The following ANGPT2 variants were observed in gnomAD, a reference collection of about 807,000 sequenced individuals.
ANGPT2 encodes angiopoietin 2.
Under a neutral mutation model 62.9 loss-of-function variants are expected in ANGPT2, and 28 were observed. The observed-to-expected ratio is 0.44, with a 90% CI of 0.33 to 0.61. The LOEUF (loss-of-function observed/expected upper bound fraction) is 0.61, where lower values mean the gene tolerates loss of function less well. Among genes scored for constraint, ANGPT2 ranks in the 20% least tolerant of loss-of-function variants. ANGPT2 has a pLI of 0.03. For synonymous variants in ANGPT2, 284 were observed against 207.8 expected (o/e 1.37, Z -3.15); for missense variants, 727 against 594.9 (o/e 1.22, Z -2.31).
At chr8:6,537,507 C>G (rs190981919) in intron 1 of ANGPT2, among the ~76,000 whole-genome samples, 1 of 150,916 alleles carries the variant, frequency 6.6e-6, no homozygotes, top group Non-Finnish European at 1.5e-5. Flanking sequence ...GGCAGCGCAT[C>G]GAAACTCAAG....
intron 1 of ANGPT2, among the ~76,000 whole-genome samples, chr8:6,541,632 T>G (rs778119187): frequency 2.6e-5 from 4 of 152,114 alleles, no homozygotes; most frequent in Non-Finnish European, 5.9e-5. Flanking sequence ...TTTGTTAAAT[T>G]CTCAGCTTAG....
At chr8:6,546,662 T>A (rs1822628538) in intron 1 of ANGPT2, among the ~76,000 whole-genome samples, 1 of 152,090 alleles carries the variant, frequency 6.6e-6, no homozygotes, top group Admixed American at 6.5e-5. Context: ...GGCCTAGAGA[T>A]AAATAGAGAA....
chr8:6,509,659 A>C (rs180896344), intron 7 of ANGPT2, among the ~76,000 whole-genome samples: 8 of 152,222 alleles, frequency 5.3e-5, no homozygotes, highest in Non-Finnish European at 1.0e-4. Flanking sequence ...ACTATTTACA[A>C]TACAGACGAT....
intron 1 of ANGPT2, among the ~76,000 whole-genome samples, chr8:6,551,018 C>T (rs964887165): frequency 3.9e-5 from 6 of 152,160 alleles, no homozygotes; most frequent in Admixed American, 1.3e-4. Context: ...CTTTTGAAAC[C>T]AACAAGTGAA....
chr8:6,521,382 C>T lies in ANGPT2; in HGVS notation c.595G>A (p.Glu199Lys). Residue 199 changes from glutamate to lysine, a missense_variant, in exon 4 of 9, where the codon GAA becomes AAA. By Grantham distance (56) the Glu-to-Lys change is moderately conservative. Coordinates refer to ENST00000629816, the MANE Select transcript of ANGPT2 (RefSeq NM_001118887.2). ...TGTAGTTGGATGATGTGCTTGTCTT[C>T]CATAGCTAGCACCTTCTTTTCTAGG... ...SFLEKKVLAM[E>K]DKHIIQLQSI... 3 of 1,612,848 alleles carry T rather than the reference C, an allele frequency of 1.9e-6. No individual in the cohort carries two copies. Among genetic ancestry groups the T allele is most frequent in the Non-Finnish European group, 2.5e-6 (3 of 1,179,686 alleles).
intron 3 of ANGPT2, among the ~76,000 whole-genome samples, chr8:6,523,523 T>C (rs2129569838): frequency 6.6e-6 from 1 of 152,330 alleles, no homozygotes; most frequent in Middle Eastern, 3.4e-3. Flanking sequence ...TATTTGAGAA[T>C]GTTAACTGTT....
At chr8:6,533,781 A>G (rs2959812) in intron 1 of ANGPT2, among the ~76,000 whole-genome samples, 105,325 of 151,822 alleles carry the variant, frequency 0.69, 36,705 homozygotes, top group Non-Finnish European at 0.72. Flanking sequence ...CTTTATAGAG[A>G]AACCATTCGT....
At chr8:6,524,519 A>C (rs778251285) in intron 3 of ANGPT2, among the ~76,000 whole-genome samples, 1 of 152,234 alleles carries the variant, frequency 6.6e-6, no homozygotes, top group African/African-American at 2.4e-5. Context: ...TGTGAAATTG[A>C]CATACACGTT....
rs1354081295 is a variant in ANGPT2, at chr8:6,501,617, C to G, written c.*1484G>C. 1 of 139,476 alleles carries G rather than the reference C, an allele frequency of 7.2e-6. No individual in the cohort carries two copies. The highest frequency in any genetic ancestry group is 2.1e-4 in the East Asian group (1 of 4,790). The allele number at this position is 139,476 out of a possible 1,614,324, so 8.6% of individuals were successfully genotyped here. A position where few individuals can be genotyped will look rare whatever the true frequency, so the allele number is the denominator to read the frequency against. ...TTGCCCCGGCTGGAGTGCAGTGGTG[C>G]GATCTTGGCTCACTGCAACCTCTAC... is the stretch of plus-strand genomic sequence containing the variant. On this transcript the variant is annotated 3_prime_UTR_variant, in exon 9 of 9. Transcript: ENST00000629816.
intron 1 of ANGPT2, among the ~76,000 whole-genome samples, chr8:6,533,352 G>C (rs1303354903): frequency 6.6e-6 from 1 of 152,204 alleles, no homozygotes; most frequent in Non-Finnish European, 1.5e-5. Context: ...CAAGACAACT[G>C]AGTACGTGGG....
intron 3 of ANGPT2, among the ~76,000 whole-genome samples, chr8:6,523,272 C>G (rs949211448): frequency 6.6e-6 from 1 of 152,120 alleles, no homozygotes; most frequent in Non-Finnish European, 1.5e-5. Context: ...GCTGGGATTA[C>G]AGGCATGAGC....
chr8:6,503,665 G>A lies in ANGPT2; in HGVS notation c.1328-404C>T, dbSNP rs563816595. On this transcript the variant is annotated intron_variant, in intron 8 of 8. Coordinates refer to ENST00000629816, the MANE Select transcript of ANGPT2 (RefSeq NM_001118887.2). ...AACATGGTGGGCTGGACTCGCTCAG[G>A]CTCCCCTTGCTCTATTAAATGATTT... Among the ~76,000 whole-genome samples, 97 of 152,298 alleles carry A rather than the reference G, an allele frequency of 6.4e-4. 1 individual carries two copies. The highest frequency in any genetic ancestry group is 1.9e-3 in the Admixed American group (29 of 15,296).
chr8:6,552,815 CTT>C (rs57835088), intron 1 of ANGPT2, among the ~76,000 whole-genome samples: 4 of 146,164 alleles, frequency 2.7e-5, no homozygotes, highest in African/African-American at 5.0e-5. Context: ...GTTATTCCTG[CTT>C]TTTTTTTTTT....
chr8:6,531,571 C>T lies in ANGPT2; in HGVS notation c.444+761G>A, dbSNP rs563550658. On this transcript the variant is annotated intron_variant, in intron 2 of 8. Coordinates refer to ENST00000629816, the MANE Select transcript of ANGPT2 (RefSeq NM_001118887.2). ...CCTCCCAAAGTGCTGGAATTACAGG[C>T]GTGAGCTACTGCGCCTGGCCACTAG... Among the ~76,000 whole-genome samples, 10 of 152,278 alleles carry T rather than the reference C, an allele frequency of 6.6e-5. No individual in the cohort carries two copies. The South Asian group carries it at 1.0e-3, about 16-fold the overall frequency.
intron 1 of ANGPT2, 140 bp from the exon 2 acceptor site, chr8:6,532,627 G>A: frequency 1.5e-6 from 1 of 667,630 alleles, no homozygotes; most frequent in Non-Finnish European, 2.2e-6. Flanking sequence ...CTTCCTTTTG[G>A]AATCTTACTA....
Position 6,513,832 on chromosome 8 carries a change from G to T in ANGPT2, c.1042C>A (p.Pro348Thr), listed in dbSNP as rs776258713. The part of the protein sequence containing the change: ...WKEYKVGFGN[P>T]SGEYWLGNEF... Reference sequence around the variant, plus strand: ...TTTCCCAGCCAATATTCTCCTGAAGGGTTACCAAATCCCTGTAATGCAAGT... The same window carrying T: ...TTTCCCAGCCAATATTCTCCTGAAGTGTTACCAAATCCCTGTAATGCAAGT... The change falls in exon 7 of 9, where the codon CCT (proline) becomes ACT (threonine). Residue 348 changes from proline (P) to threonine (T), a missense_variant. Physicochemically the swap from Pro to Thr is conservative, Grantham distance 38. Transcript: ENST00000629816. The T allele has an allele frequency of 6.2e-7, 1 of 1,605,496 alleles. No homozygotes were observed.
intron 8 of ANGPT2, 46 bp downstream of exon 8, chr8:6,508,886 A>G: frequency 6.2e-7 from 1 of 1,613,558 alleles, no homozygotes. Context: ...CCTCTATGAA[A>G]TCATTCCTTG....
At chr8:6,521,633 C>T (rs1328249089) in intron 3 of ANGPT2, among the ~76,000 whole-genome samples, 1 of 152,162 alleles carries the variant, frequency 6.6e-6, no homozygotes, top group Non-Finnish European at 1.5e-5. Flanking sequence ...TATGTACATG[C>T]AGACTTATGC....
In ANGPT2 at chr8:6,531,671, C is replaced by T. The variant is rs1349321773; in HGVS notation, c.444+661G>A. Reference sequence around the variant, plus strand: ...ATCTCACAGTGGAAAGAGAACTTAGCAATCACTTGTCTGGCCCAACCCTTT... The same window carrying T: ...ATCTCACAGTGGAAAGAGAACTTAGTAATCACTTGTCTGGCCCAACCCTTT... On this transcript the variant is annotated intron_variant, in intron 2 of 8. Transcript: ENST00000629816. Among the ~76,000 whole-genome samples, 9 of 152,308 alleles carry T rather than the reference C, an allele frequency of 5.9e-5. No individual in the cohort carries two copies. The East Asian group carries it at 1.4e-3, about 23-fold the overall frequency.
Sources: gnomAD v4.1 joint callset for allele counts (sites outside exome capture counted in the v4.1 genomes callset) on GRCh38, gnomAD v4.1.1 for gene constraint, MANE v1.5 for transcripts, NCBI Gene and HGNC (gene_info 2026-07-23, HGNC 2026-07-21) for gene names.